The following PRKG1 variants were observed in gnomAD, a reference collection of about 807,000 sequenced individuals.
PRKG1 encodes the protein protein kinase cGMP-dependent 1.
A neutral mutation model predicts 88.1 loss-of-function variants in PRKG1; 35 were observed. The observed-to-expected ratio is 0.40, with a 90% CI of 0.30 to 0.53. The LOEUF (loss-of-function observed/expected upper bound fraction) is 0.53. Among genes scored for constraint, PRKG1 ranks in the 20% least tolerant of loss-of-function variants. The pLI is 0.59. For missense variants in PRKG1, 540 were observed against 839.8 expected, an observed-to-expected ratio of 0.64 and a Z score of 4.41; for synonymous variants, 303 against 292.5, an observed-to-expected ratio of 1.04 and a Z score of -0.37.
intron 3 of PRKG1, among the ~76,000 whole-genome samples, chr10:51,750,887 A>G (rs1021257185): frequency 5.0e-5 from 6 of 119,244 alleles, no homozygotes; most frequent in Non-Finnish European, 1.0e-4. Context: ...TTTATTTCAT[A>G]AGCAAAAAAA....
intron 3 of PRKG1, among the ~76,000 whole-genome samples, chr10:51,704,543 A>C (rs1841558495): frequency 6.6e-6 from 1 of 152,216 alleles, no homozygotes; most frequent in African/African-American, 2.4e-5. Flanking sequence ...TATGCAATAA[A>C]GTATGTAGAG....
At chr10:51,840,789 G>T (rs922521584) in intron 4 of PRKG1, among the ~76,000 whole-genome samples, 7 of 151,988 alleles carry the variant, frequency 4.6e-5, no homozygotes, top group Admixed American at 2.0e-4. Flanking sequence ...CAGGTGACCT[G>T]CCCGCCTTGG....
chr10:52,162,060 C>A, intron 9 of PRKG1, 97 bp downstream of exon 9: 1 of 988,314 alleles, frequency 1.0e-6, no homozygotes, highest in Non-Finnish European at 1.5e-6. Context: ...AACACTCTGA[C>A]AGGAAACAAC....
chr10:51,349,276 G>A (rs189025120), intron 2 of PRKG1, among the ~76,000 whole-genome samples: 7 of 152,204 alleles, frequency 4.6e-5, no homozygotes, highest in Admixed American at 2.6e-4. Flanking sequence ...GAAATATATG[G>A]CCAGTGACCT....
chr10:51,374,615 C>T (rs1207728790), intron 2 of PRKG1, among the ~76,000 whole-genome samples: 1 of 152,120 alleles, frequency 6.6e-6, no homozygotes, highest in Non-Finnish European at 1.5e-5. Flanking sequence ...GAGGACCCAG[C>T]ATTCCTCCCC....
chr10:52,184,627 A>T (rs1839137583), intron 9 of PRKG1: 1 of 152,188 alleles, frequency 6.6e-6, no homozygotes, highest in Non-Finnish European at 1.5e-5. Context: ...TACTATCAAG[A>T]ACTACCTGAA....
intron 1 of PRKG1, among the ~76,000 whole-genome samples, chr10:51,034,370 A>G (rs929469162): frequency 6.6e-6 from 1 of 152,016 alleles, no homozygotes; most frequent in African/African-American, 2.4e-5. Context: ...AATCTGTGAG[A>G]CAGACAGAAT....
chr10:51,436,471 C>T (rs970702566), intron 2 of PRKG1, among the ~76,000 whole-genome samples: 2 of 151,982 alleles, frequency 1.3e-5, no homozygotes, highest in Non-Finnish European at 2.9e-5. Flanking sequence ...TTGATTCTTC[C>T]TCCTTCCCAA....
At chr10:51,279,024 C>G (rs545638873) in intron 2 of PRKG1, among the ~76,000 whole-genome samples, 28 of 152,236 alleles carry the variant, frequency 1.8e-4, no homozygotes, top group African/African-American at 6.3e-4. Flanking sequence ...TCTTGCTTCT[C>G]TAGTTCTTTT....
intron 5 of PRKG1, among the ~76,000 whole-genome samples, chr10:52,007,652 T>C (rs1287143535): frequency 1.3e-5 from 2 of 152,094 alleles, no homozygotes; most frequent in Non-Finnish European, 2.9e-5. Context: ...TATGAAGAGA[T>C]GTGAATTCCT....
At chr10:52,249,235 A>G (rs1025817288) in intron 9 of PRKG1, among the ~76,000 whole-genome samples, 1 of 151,378 alleles carries the variant, frequency 6.6e-6, no homozygotes, top group Non-Finnish European at 1.5e-5. Context: ...CTTCTTGCCA[A>G]AATGTCTCAT....
intron 7 of PRKG1, among the ~76,000 whole-genome samples, chr10:52,118,539 A>C (rs1847742187): frequency 6.6e-6 from 1 of 152,058 alleles, no homozygotes. Context: ...CAGTAAGGCA[A>C]GTTTAATATG....
chr10:52,156,852 T>A (rs10733901), intron 8 of PRKG1, among the ~76,000 whole-genome samples: 106,453 of 151,416 alleles, frequency 0.7, 38,920 homozygotes, highest in South Asian at 0.83. Context: ...AAATAAATAT[T>A]TTTTTAAAAA....
intron 2 of PRKG1, among the ~76,000 whole-genome samples, chr10:51,191,198 C>T (rs949099578): frequency 2.0e-5 from 3 of 151,826 alleles, no homozygotes; most frequent in African/African-American, 7.2e-5. Context: ...AGAAATTTCT[C>T]AGAAAATAAT....
At chr10:51,767,820 A>C (rs995325058) in intron 3 of PRKG1, among the ~76,000 whole-genome samples, 1 of 152,122 alleles carries the variant, frequency 6.6e-6, no homozygotes, top group Non-Finnish European at 1.5e-5. Flanking sequence ...TGGTGGCAGC[A>C]GTGGTATGTT....
intron 2 of PRKG1, among the ~76,000 whole-genome samples, chr10:51,385,047 C>A (rs1837216201): frequency 6.6e-6 from 1 of 152,102 alleles, no homozygotes; most frequent in Non-Finnish European, 1.5e-5. Context: ...AGGAAAATAT[C>A]TTTTATGAAG....
At chr10:52,180,624 T>G (rs138095006) in intron 9 of PRKG1, among the ~76,000 whole-genome samples, 2,015 of 152,068 alleles carry the variant, frequency 0.013, 46 homozygotes, top group African/African-American at 0.046. Flanking sequence ...GTAGTCTCCG[T>G]GTAGTTTCTT....
intron 9 of PRKG1, among the ~76,000 whole-genome samples, chr10:52,166,568 G>C (rs1838445877): frequency 6.8e-6 from 1 of 147,098 alleles, no homozygotes; most frequent in Non-Finnish European, 1.5e-5. Flanking sequence ...CAAGTAGCTG[G>C]GACTACAGGC....
intron 6 of PRKG1, among the ~76,000 whole-genome samples, chr10:52,059,212 C>T (rs1431280383): frequency 6.6e-6 from 1 of 151,952 alleles, no homozygotes; most frequent in African/African-American, 2.4e-5. Flanking sequence ...TCAATCACTG[C>T]TCCTGGGAAT....
Sources: allele counts gnomAD v4.1 joint callset (sites outside exome capture counted in the v4.1 genomes callset), GRCh38; gene constraint gnomAD v4.1.1; transcripts MANE v1.5; gene names NCBI Gene and HGNC (gene_info 2026-07-23, HGNC 2026-07-21).